Variants in ACYP2 observed in about 807,000 individuals in gnomAD.
The protein encoded by ACYP2 is acylphosphatase 2.
Under a neutral mutation model 11.2 loss-of-function variants are expected in ACYP2, and 12 were observed. That is an observed-to-expected ratio of 1.08 (90% CI 0.69 to 1.74). The LOEUF is 1.74. Ranked by LOEUF, ACYP2 falls within the 40% of genes most tolerant of loss-of-function variation. ACYP2 has a pLI of 0.00. For synonymous variants in ACYP2, 43 were observed against 32.2 expected, an observed-to-expected ratio of 1.33 and a Z score of -1.13; for missense variants, 134 against 101.9, an observed-to-expected ratio of 1.31 and a Z score of -1.35.
intron 6 of ACYP2, among the ~76,000 whole-genome samples, chr2:54,270,522 C>A (rs533872930): frequency 1.3e-5 from 2 of 152,178 alleles, no homozygotes; most frequent in East Asian, 1.9e-4. Flanking sequence ...GTGGGAAGAT[C>A]ATTTGAGCTC....
At chr2:54,240,073 A>G (rs1686666736) in intron 6 of ACYP2, among the ~76,000 whole-genome samples, 1 of 152,204 alleles carries the variant, frequency 6.6e-6, no homozygotes, top group South Asian at 2.1e-4. Flanking sequence ...ATTTCTTCTC[A>G]GAACGAAGTT....
At chr2:54,130,251 A>G (rs1262513495) in intron 4 of ACYP2, among the ~76,000 whole-genome samples, 2 of 152,228 alleles carry the variant, frequency 1.3e-5, no homozygotes, top group African/African-American at 4.8e-5. Context: ...GGAAGGAGCC[A>G]GTAATGAGAA....
At chr2:54,077,355 CTTG>C (rs554580741) in intron 4 of ACYP2, among the ~76,000 whole-genome samples, 36 of 152,260 alleles carry the variant, frequency 2.4e-4, no homozygotes, top group Admixed American at 5.2e-4. Flanking sequence ...TAAGGGCAAA[CTTG>C]TTGTTGTTGT....
At chr2:54,013,346 G>C (rs1356083301) in intron 2 of ACYP2, among the ~76,000 whole-genome samples, 1 of 149,326 alleles carries the variant, frequency 6.7e-6, no homozygotes, top group Non-Finnish European at 1.5e-5. Context: ...CTGTTGCCCG[G>C]CTGGGGTGCA....
chr2:54,297,823 T>G (rs1180051521), intron 6 of ACYP2, among the ~76,000 whole-genome samples: 1 of 152,166 alleles, frequency 6.6e-6, no homozygotes, highest in Non-Finnish European at 1.5e-5. Context: ...AAAATTTTAG[T>G]GAGAAACTTA....
At chr2:54,016,360 AT>A (rs202179833) in intron 2 of ACYP2, among the ~76,000 whole-genome samples, 13 of 149,866 alleles carry the variant, frequency 8.7e-5, no homozygotes, top group African/African-American at 2.4e-4. Context: ...ATTCTTATTA[AT>A]TTTTTTTTTA....
intron 6 of ACYP2, chr2:54,254,706 G>A: frequency 1.8e-6 from 1 of 560,586 alleles, no homozygotes; most frequent in Non-Finnish European, 3.1e-6. Context: ...AGCATGTGAT[G>A]TTAATGCAGA....
At chr2:54,065,143 A>G (rs922461336) in intron 4 of ACYP2, among the ~76,000 whole-genome samples, 1 of 152,148 alleles carries the variant, frequency 6.6e-6, no homozygotes, top group African/African-American at 2.4e-5. Flanking sequence ...ACCAAGGGAT[A>G]GATGATGTTG....
At chr2:54,064,511 TC>T (rs1354591736) in intron 4 of ACYP2, among the ~76,000 whole-genome samples, 1 of 152,204 alleles carries the variant, frequency 6.6e-6, no homozygotes, top group Non-Finnish European at 1.5e-5. Context: ...TTTCATTTCT[TC>T]CTAGTGGTAA....
At chr2:54,030,149 T>C (rs950480393) in intron 2 of ACYP2, among the ~76,000 whole-genome samples, 1 of 152,206 alleles carries the variant, frequency 6.6e-6, no homozygotes, top group African/African-American at 2.4e-5. Flanking sequence ...CTAAGTCTGA[T>C]TAAACTGTGG....
intron 2 of ACYP2, among the ~76,000 whole-genome samples, chr2:54,045,964 A>G (rs965745095): frequency 2.0e-5 from 3 of 152,034 alleles, no homozygotes; most frequent in African/African-American, 7.2e-5. Flanking sequence ...TCAGCTCAGG[A>G]GCTCTAGAAC....
intron 6 of ACYP2, among the ~76,000 whole-genome samples, chr2:54,258,479 G>A (rs936668500): frequency 2.0e-5 from 3 of 152,188 alleles, no homozygotes; most frequent in Non-Finnish European, 2.9e-5. Context: ...GTAGGGTCTT[G>A]TATGATAGTG....
intron 6 of ACYP2, among the ~76,000 whole-genome samples, chr2:54,141,479 A>T (rs1297496618): frequency 2.6e-5 from 4 of 152,124 alleles, no homozygotes; most frequent in African/African-American, 9.7e-5. Context: ...CCAGATGAAT[A>T]GCCAGTTGTC....
intron 6 of ACYP2, among the ~76,000 whole-genome samples, chr2:54,184,924 G>A (rs1208385353): frequency 1.3e-5 from 2 of 149,626 alleles, no homozygotes; most frequent in Admixed American, 6.7e-5. Context: ...TCGGTTCACT[G>A]AAACCTCTGC....
chr2:54,037,006 T>A (rs1674936937), intron 2 of ACYP2, among the ~76,000 whole-genome samples: 1 of 152,256 alleles, frequency 6.6e-6, no homozygotes, highest in African/African-American at 2.4e-5. Flanking sequence ...ATGTTGTCCC[T>A]AATTAATATG....
chr2:54,034,781 C>CG (rs368186333), intron 2 of ACYP2, among the ~76,000 whole-genome samples: 304 of 152,014 alleles, frequency 2.0e-3, no homozygotes, highest in African/African-American at 6.9e-3. Flanking sequence ...GAGGCCGAGG[C>CG]GGGTGGATCA....
chr2:54,004,505 G>C (rs948164594), intron 2 of ACYP2, among the ~76,000 whole-genome samples: 3 of 148,842 alleles, frequency 2.0e-5, no homozygotes, highest in African/African-American at 7.5e-5. Flanking sequence ...CTGTCTTCCG[G>C]GTTCACACCA....
At chr2:54,038,486 A>G (rs1204816223) in intron 2 of ACYP2, among the ~76,000 whole-genome samples, 1 of 151,880 alleles carries the variant, frequency 6.6e-6, no homozygotes. Flanking sequence ...TCTAAGCACT[A>G]CATAAGTTAT....
chr2:54,133,066 TAC>T (rs1184995268), intron 4 of ACYP2, among the ~76,000 whole-genome samples: 1 of 152,140 alleles, frequency 6.6e-6, no homozygotes, highest in Non-Finnish European at 1.5e-5. Context: ...AACAAATGCA[TAC>T]AGTCATGTAA....
Sources: allele counts gnomAD v4.1 joint callset (sites outside exome capture counted in the v4.1 genomes callset), GRCh38; gene constraint gnomAD v4.1.1; transcripts MANE v1.5; gene names NCBI Gene and HGNC (gene_info 2026-07-23, HGNC 2026-07-21).